PDE1A: variants seen among roughly 807,000 people sequenced by gnomAD.
PDE1A encodes phosphodiesterase 1A.
A neutral mutation model predicts 61.7 loss-of-function variants in PDE1A; 35 were observed. The ratio of observed to expected loss-of-function variants is 0.57; its 90% CI spans 0.43 to 0.75. The LOEUF (loss-of-function observed/expected upper bound fraction) is 0.75. Ranked by LOEUF, PDE1A falls within the 30% of genes least tolerant of loss-of-function variation. The pLI, the probability that PDE1A is intolerant of heterozygous loss-of-function variation, is 0.00. For missense variants in PDE1A, 597 were observed against 630.6 expected, an observed-to-expected ratio of 0.95 and a Z score of 0.57; for synonymous variants, 232 against 213.2, an observed-to-expected ratio of 1.09 and a Z score of -0.77.
At chr2:182,595,054 T>G in the PDE1A span, among the ~76,000 whole-genome samples, 4 of 152,332 alleles carry the variant, frequency 2.6e-5, no homozygotes, top group African/African-American at 9.6e-5. Flanking sequence ...GTAAGCCTTT[T>G]TGTTACTTTT....
intron 2 of PDE1A, among the ~76,000 whole-genome samples, chr2:182,513,625 C>A (rs1303317832): frequency 6.6e-6 from 1 of 152,154 alleles, no homozygotes; most frequent in African/African-American, 2.4e-5. Flanking sequence ...ACAGGCTAAA[C>A]GCCCCACTTA....
intron 2 of PDE1A, among the ~76,000 whole-genome samples, chr2:182,465,407 A>T (rs551470717): frequency 3.8e-4 from 57 of 150,570 alleles, no homozygotes; most frequent in African/African-American, 1.2e-3. Context: ...TCTCAAAAAA[A>T]TTTTAATTTT....
chr2:182,453,786 C>G (rs909827336), intron 2 of PDE1A, among the ~76,000 whole-genome samples: 1 of 152,110 alleles, frequency 6.6e-6, no homozygotes, highest in Non-Finnish European at 1.5e-5. Context: ...TAAGAGCTAT[C>G]TATGAAAAAC....
chr2:182,299,535 T>TATTCCCAATTAA (rs1266745369), intron 1 of PDE1A, among the ~76,000 whole-genome samples: 1 of 149,738 alleles, frequency 6.7e-6, no homozygotes, highest in African/African-American at 2.5e-5. Flanking sequence ...ATCTCCATCA[T>TATTCCCAATTAA]ATTCCCAATT....
chr2:182,630,518 A>C, the PDE1A span, among the ~76,000 whole-genome samples: 1 of 151,276 alleles, frequency 6.6e-6, no homozygotes, highest in African/African-American at 2.4e-5. Context: ...ATGTTCTCAC[A>C]TGGTAAGGCA....
the PDE1A span, among the ~76,000 whole-genome samples, chr2:182,561,165 T>A: frequency 1.3e-5 from 2 of 151,560 alleles, no homozygotes; most frequent in Admixed American, 1.3e-4. Context: ...GCCTAGGTTT[T>A]CTTCTAGGGT....
the PDE1A span, among the ~76,000 whole-genome samples, chr2:182,567,715 T>G: frequency 6.6e-6 from 1 of 152,148 alleles, no homozygotes; most frequent in Non-Finnish European, 1.5e-5. Flanking sequence ...AAATCTAATT[T>G]CCCTGATAAT....
chr2:182,275,310 C>A (rs1321157032), intron 1 of PDE1A, among the ~76,000 whole-genome samples: 2 of 152,036 alleles, frequency 1.3e-5, no homozygotes, highest in African/African-American at 4.8e-5. Flanking sequence ...AATGCCCTGG[C>A]TTTTACCTTC....
At chr2:182,554,766 C>A in the PDE1A span, among the ~76,000 whole-genome samples, 1 of 152,116 alleles carries the variant, frequency 6.6e-6, no homozygotes. Context: ...CCAAGGCATT[C>A]ATCTTCTAAT....
chr2:182,183,887 A>G (rs1034059349), intron 13 of PDE1A, among the ~76,000 whole-genome samples: 1 of 152,028 alleles, frequency 6.6e-6, no homozygotes, highest in African/African-American at 2.4e-5. Context: ...AGTGAAATCA[A>G]CAGCAGGATT....
the PDE1A span, among the ~76,000 whole-genome samples, chr2:182,677,418 A>G: frequency 6.6e-6 from 1 of 152,204 alleles, no homozygotes; most frequent in Non-Finnish European, 1.5e-5. Context: ...ACACAAACAA[A>G]TGGAAAAACA....
intron 1 of PDE1A, among the ~76,000 whole-genome samples, chr2:182,399,767 C>G (rs1384896852): frequency 6.6e-6 from 1 of 151,972 alleles, no homozygotes; most frequent in African/African-American, 2.4e-5. Flanking sequence ...TTCACTCCTC[C>G]TAATAGCTGC....
At chr2:182,334,010 C>G (rs1697607734) in intron 1 of PDE1A, among the ~76,000 whole-genome samples, 1 of 152,090 alleles carries the variant, frequency 6.6e-6, no homozygotes, top group Admixed American at 6.5e-5. Flanking sequence ...GACACATACA[C>G]TATCCCAAGA....
At chr2:182,704,203 T>C in the PDE1A span, among the ~76,000 whole-genome samples, 2 of 119,470 alleles carry the variant, frequency 1.7e-5, no homozygotes, top group Admixed American at 2.2e-4. Flanking sequence ...AGAGAGACAC[T>C]CCGTCTGGAA....
At position 182,348,422 on chromosome 2, in the gene PDE1A, C is replaced by T. The variant is rs114540353; in HGVS notation, c.53+78156G>A. On this transcript the variant is annotated intron_variant, in intron 1 of 13. Transcript: ENST00000351439. The stretch of plus-strand genomic sequence containing the variant: ...CAGGATTCTGTGACCTCTGACTTTA[C>T]GGATATCCATTACTTATAGGAATCA... Among the ~76,000 whole-genome samples the T allele has an allele frequency of 1.6e-3, 246 of 152,136 alleles. 3 individuals carry two copies. Among genetic ancestry groups the T allele is most frequent in the African/African-American group, 5.3e-3 (220 of 41,530 alleles).
At chr2:182,681,731 C>T in the PDE1A span, among the ~76,000 whole-genome samples, 1 of 152,116 alleles carries the variant, frequency 6.6e-6, no homozygotes, top group Non-Finnish European at 1.5e-5. Context: ...CTGCAAGCTC[C>T]ACCTTCCGGG....
intron 13 of PDE1A, among the ~76,000 whole-genome samples, chr2:182,169,399 A>T (rs1691922304): frequency 6.6e-6 from 1 of 152,142 alleles, no homozygotes; most frequent in Non-Finnish European, 1.5e-5. Context: ...CAACACAATA[A>T]ATGTCATAAG....
chr2:182,529,563 T>C, the PDE1A span, among the ~76,000 whole-genome samples: 1 of 152,152 alleles, frequency 6.6e-6, no homozygotes, highest in Non-Finnish European at 1.5e-5. Flanking sequence ...TGAGAAGGCA[T>C]GATTGATTTT....
chr2:182,362,513 T>C (rs1346004877), intron 1 of PDE1A, among the ~76,000 whole-genome samples: 1 of 152,038 alleles, frequency 6.6e-6, no homozygotes, highest in African/African-American at 2.4e-5. Context: ...GACAAAGGAC[T>C]TTCATGTTAA....
Sources: allele counts gnomAD v4.1 joint callset (sites outside exome capture counted in the v4.1 genomes callset), GRCh38; gene constraint gnomAD v4.1.1; transcripts MANE v1.5; gene names NCBI Gene and HGNC (gene_info 2026-07-23, HGNC 2026-07-21).